ADGRB3: variants seen among roughly 807,000 people sequenced by gnomAD.
ADGRB3 encodes adhesion G protein-coupled receptor B3, also known as brain-specific angiogenesis inhibitor 3.
In ADGRB3, 37 loss-of-function variants were observed where a neutral mutation model predicts 193.4. That is an observed-to-expected ratio of 0.19 (90% CI 0.15 to 0.25). The LOEUF (loss-of-function observed/expected upper bound fraction) is 0.25. Ranked by LOEUF, ADGRB3 falls within the 10% of genes least tolerant of loss-of-function variation. The pLI is 1.00. For missense variants in ADGRB3, 1,637 were observed against 1,852.9 expected, an observed-to-expected ratio of 0.88 and a Z score of 2.14; for synonymous variants, 690 against 644.2, an observed-to-expected ratio of 1.07 and a Z score of -1.08.
intron 3 of ADGRB3, among the ~76,000 whole-genome samples, chr6:68,640,457 G>A (rs1768061452): frequency 6.6e-6 from 1 of 152,232 alleles, no homozygotes; most frequent in Non-Finnish European, 1.5e-5. Flanking sequence ...AAGGTTAATG[G>A]ATGTTGTGTT....
intron 17 of ADGRB3, among the ~76,000 whole-genome samples, chr6:69,198,056 T>C (rs960186667): frequency 6.6e-6 from 1 of 152,118 alleles, no homozygotes; most frequent in Non-Finnish European, 1.5e-5. Flanking sequence ...GTAAGAATAA[T>C]ATTTTCCACT....
At chr6:68,944,090 G>T (rs1228963203) in intron 6 of ADGRB3, 96 bp downstream of exon 6, 37 of 1,318,510 alleles carry the variant, frequency 2.8e-5, no homozygotes, top group Non-Finnish European at 3.8e-5. Context: ...CCTTCATTCA[G>T]TCACGTTGGG....
intron 3 of ADGRB3, among the ~76,000 whole-genome samples, chr6:68,713,976 T>C (rs1765449600): frequency 6.6e-6 from 1 of 151,714 alleles, no homozygotes. Context: ...ATTAAAATTA[T>C]ATATGGCATT....
At chr6:69,334,120 G>A (rs909488483) in intron 24 of ADGRB3, among the ~76,000 whole-genome samples, 1 of 151,888 alleles carries the variant, frequency 6.6e-6, no homozygotes, top group Non-Finnish European at 1.5e-5. Flanking sequence ...GACACTTGAA[G>A]TATTAATGCC....
At chr6:68,725,115 C>G (rs1765650751) in intron 3 of ADGRB3, among the ~76,000 whole-genome samples, 1 of 151,582 alleles carries the variant, frequency 6.6e-6, no homozygotes. Context: ...ATGGGACATT[C>G]AAAGTCATTT....
intron 17 of ADGRB3, among the ~76,000 whole-genome samples, chr6:69,079,939 C>A (rs1280874603): frequency 6.6e-6 from 1 of 152,052 alleles, no homozygotes; most frequent in South Asian, 2.1e-4. Context: ...CTAGACTTCC[C>A]TATTTTTTCT....
In ADGRB3 at chr6:69,307,426, G is replaced by A. The variant is rs72915017; in HGVS notation, c.2815-17446G>A. ...AGAATATGAAATTTCACAGTCTCTG[G>A]CTTTTGACTAATTTCAATATTGGTA... is the stretch of plus-strand genomic sequence containing the variant. On this transcript the variant is annotated intron_variant, in intron 20 of 31. Coordinates refer to ENST00000370598, the MANE Select transcript of ADGRB3 (RefSeq NM_001704.3). 4.5e-4 allele frequency among the ~76,000 whole-genome samples: 68 copies of A among 151,516 alleles called. 1 individual carries two copies. The highest frequency in any genetic ancestry group is 8.3e-4 in the Non-Finnish European group (56 of 67,816).
chr6:68,824,965 C>T (rs1350303373), intron 3 of ADGRB3, among the ~76,000 whole-genome samples: 1 of 152,042 alleles, frequency 6.6e-6, no homozygotes, highest in Non-Finnish European at 1.5e-5. Context: ...AGAAATTCTC[C>T]TGTGTCAGCC....
chr6:68,940,547 C>CTCTTTTTT (rs1767606882), intron 5 of ADGRB3, among the ~76,000 whole-genome samples: 1 of 69,218 alleles, frequency 1.4e-5, no homozygotes, highest in Non-Finnish European at 2.6e-5. Context: ...TGCTTTTGAA[C>CTCTTTTTT]TTTTTTTTTT....
intron 3 of ADGRB3, among the ~76,000 whole-genome samples, chr6:68,851,451 T>C (rs1768401047): frequency 6.6e-6 from 1 of 151,890 alleles, no homozygotes; most frequent in Admixed American, 6.6e-5. Context: ...GAAGTAACTA[T>C]TTAATCTTTA....
chr6:69,373,720 T>C (rs1229916798), intron 30 of ADGRB3, among the ~76,000 whole-genome samples: 1 of 152,010 alleles, frequency 6.6e-6, no homozygotes, highest in Non-Finnish European at 1.5e-5. Context: ...TAGCCAAAAA[T>C]AGAGGATCAG....
At chr6:68,800,515 A>G (rs964246510) in intron 3 of ADGRB3, among the ~76,000 whole-genome samples, 2 of 152,144 alleles carry the variant, frequency 1.3e-5, no homozygotes, top group African/African-American at 4.8e-5. Context: ...AGGAGCAGAG[A>G]GGTGTTGAGA....
At chr6:68,668,063 A>C (rs1443022916) in intron 3 of ADGRB3, among the ~76,000 whole-genome samples, 3 of 151,964 alleles carry the variant, frequency 2.0e-5, no homozygotes. Flanking sequence ...ATGTAGTATA[A>C]GCTAACTGAT....
intron 3 of ADGRB3, among the ~76,000 whole-genome samples, chr6:68,720,618 A>C (rs1418270049): frequency 1.3e-5 from 2 of 151,828 alleles, no homozygotes; most frequent in African/African-American, 4.8e-5. Context: ...CCATTTATAA[A>C]ACCAAGTGCA....
At chr6:69,142,622 T>C (rs983459140) in intron 17 of ADGRB3, among the ~76,000 whole-genome samples, 8 of 152,190 alleles carry the variant, frequency 5.3e-5, no homozygotes, top group African/African-American at 1.9e-4. Flanking sequence ...TCAAAGCATA[T>C]ACCATATTGA....
chr6:69,123,131 G>A (rs1464985363), intron 17 of ADGRB3, among the ~76,000 whole-genome samples: 1 of 151,918 alleles, frequency 6.6e-6, no homozygotes. Flanking sequence ...TAATTGAGGA[G>A]CTATTATGGT....
intron 4 of ADGRB3, among the ~76,000 whole-genome samples, chr6:68,931,223 T>C (rs1284041774): frequency 6.6e-6 from 1 of 151,958 alleles, no homozygotes; most frequent in Non-Finnish European, 1.5e-5. Flanking sequence ...ACACACTCCA[T>C]CTAATTAAAT....
chr6:69,067,276 G>A (rs1377983683), intron 16 of ADGRB3, among the ~76,000 whole-genome samples: 8 of 151,986 alleles, frequency 5.3e-5, no homozygotes, highest in Non-Finnish European at 1.2e-4. Context: ...TGAAAATTTG[G>A]GCTTGTAGGT....
chr6:69,273,262 G>A (rs928766308), intron 20 of ADGRB3, among the ~76,000 whole-genome samples: 11 of 152,124 alleles, frequency 7.2e-5, no homozygotes, highest in Non-Finnish European at 7.4e-5. Flanking sequence ...GTTCTAGTAG[G>A]GTTCTGCTAG....
Sources: allele counts gnomAD v4.1 joint callset (sites outside exome capture counted in the v4.1 genomes callset), GRCh38; gene constraint gnomAD v4.1.1; transcripts MANE v1.5; gene names NCBI Gene and HGNC (gene_info 2026-07-23, HGNC 2026-07-21).